Variants in NRG3 observed in about 807,000 individuals in gnomAD.
NRG3 encodes the protein neuregulin 3.
In NRG3, 31 loss-of-function variants were observed where a neutral mutation model predicts 66.9. The observed-to-expected ratio is 0.46, with a 90% confidence interval of 0.35 to 0.63. The LOEUF (loss-of-function observed/expected upper bound fraction) is 0.63. Ranked by LOEUF, NRG3 falls within the 20% of genes least tolerant of loss-of-function variation. The pLI, the probability that NRG3 is intolerant of heterozygous loss-of-function variation, is 0.00. For missense variants in NRG3, 910 were observed against 878.9 expected, an observed-to-expected ratio of 1.04 and a Z score of -0.45; for synonymous variants, 393 against 359.4, an observed-to-expected ratio of 1.09 and a Z score of -1.06.
intron 1 of NRG3, among the ~76,000 whole-genome samples, chr10:82,102,075 C>A (rs1369603649): frequency 8.8e-6 from 1 of 113,300 alleles, no homozygotes; most frequent in Admixed American, 9.1e-5. Context: ...TGTGTGTATA[C>A]ATATATATAT....
chr10:82,819,966 G>A (rs895017892), intron 3 of NRG3, among the ~76,000 whole-genome samples: 4 of 152,124 alleles, frequency 2.6e-5, no homozygotes, highest in Non-Finnish European at 5.9e-5. Flanking sequence ...TTTTAGAGGG[G>A]GATACACAGC....
chr10:82,616,845 A>G (rs1249213971), intron 2 of NRG3, among the ~76,000 whole-genome samples: 1 of 152,202 alleles, frequency 6.6e-6, no homozygotes, highest in Admixed American at 6.6e-5. Context: ...TCTCTGGCCC[A>G]AACCCTCTAT....
Position 82,250,235 on chromosome 10 carries a change from A to G in NRG3, c.824-108504A>G, listed in dbSNP as rs1477038505. On this transcript the variant is annotated intron_variant, in intron 1 of 8. Transcript: ENST00000372141. ...AAAAATTGAGGATCAATATATCAAT[A>G]TGGAAGGTTTTTAAAAATTTTTATT... 2.6e-5 allele frequency among the ~76,000 whole-genome samples: 4 copies of G among 152,192 alleles called. No individual in the cohort carries two copies. The South Asian group carries it at 6.2e-4, about 24-fold the overall frequency.
At chr10:82,647,130 A>G (rs1043552906) in intron 2 of NRG3, among the ~76,000 whole-genome samples, 34 of 152,020 alleles carry the variant, frequency 2.2e-4, no homozygotes, top group African/African-American at 6.5e-4. Flanking sequence ...CATTAGATAT[A>G]TCTCCTAATG....
chr10:82,412,861 C>T (rs539604113), intron 2 of NRG3, among the ~76,000 whole-genome samples: 1 of 152,270 alleles, frequency 6.6e-6, no homozygotes, highest in South Asian at 2.1e-4. Flanking sequence ...ACTTTCTTAG[C>T]TCTTCCCTAA....
intron 1 of NRG3, among the ~76,000 whole-genome samples, chr10:82,201,325 CTTTAG>C (rs1049816384): frequency 2.0e-5 from 3 of 151,898 alleles, no homozygotes; most frequent in African/African-American, 7.3e-5. Flanking sequence ...TTTGATAGCA[CTTTAG>C]CCAACAGTTC....
chr10:82,779,360 C>T (rs967815515), intron 3 of NRG3, among the ~76,000 whole-genome samples: 4 of 152,146 alleles, frequency 2.6e-5, no homozygotes, highest in African/African-American at 9.7e-5. Context: ...AGAGTCAAGG[C>T]TTTCTCGTCT....
chr10:82,507,906 G>T (rs1195136693), intron 2 of NRG3, among the ~76,000 whole-genome samples: 2 of 152,012 alleles, frequency 1.3e-5, no homozygotes, highest in Admixed American at 1.3e-4. Flanking sequence ...ATCAGATAAG[G>T]GCAACTCACA....
chr10:81,984,797 A>G (rs2060461298), intron 1 of NRG3, among the ~76,000 whole-genome samples: 2 of 152,244 alleles, frequency 1.3e-5, no homozygotes, highest in Non-Finnish European at 1.5e-5. Flanking sequence ...TTTTATTACT[A>G]TACATATACA....
intron 2 of NRG3, among the ~76,000 whole-genome samples, chr10:82,375,054 T>C (rs1769385889): frequency 6.6e-6 from 1 of 152,178 alleles, no homozygotes; most frequent in African/African-American, 2.4e-5. Flanking sequence ...ATAGATCACA[T>C]TTGCTATTCA....
chr10:82,744,591 A>G (rs1220444146), intron 3 of NRG3, among the ~76,000 whole-genome samples: 3 of 152,202 alleles, frequency 2.0e-5, no homozygotes, highest in Non-Finnish European at 2.9e-5. Context: ...AAACTTTCAG[A>G]CCATAGCATC....
chr10:82,346,557 T>C (rs1399333877), intron 1 of NRG3, among the ~76,000 whole-genome samples: 1 of 152,160 alleles, frequency 6.6e-6, no homozygotes, highest in Non-Finnish European at 1.5e-5. Context: ...CCAGCTTTGG[T>C]ATCAGAATGA....
intron 3 of NRG3, among the ~76,000 whole-genome samples, chr10:82,766,166 T>C (rs535922225): frequency 1.3e-5 from 2 of 152,324 alleles, no homozygotes; most frequent in South Asian, 2.1e-4. Context: ...CATTTGTTGA[T>C]ATTTTCTTGA....
chr10:82,756,832 T>C (rs754674591), intron 3 of NRG3, among the ~76,000 whole-genome samples: 19 of 151,996 alleles, frequency 1.3e-4, no homozygotes, highest in Non-Finnish European at 2.5e-4. Flanking sequence ...TTTTTTTTTT[T>C]TCTTATTTGG....
chr10:82,457,597 A>G (rs2091326788), intron 2 of NRG3, among the ~76,000 whole-genome samples: 1 of 152,194 alleles, frequency 6.6e-6, no homozygotes, highest in South Asian at 2.1e-4. Context: ...ATAGCTAGGA[A>G]CATAGGAGGA....
intron 1 of NRG3, among the ~76,000 whole-genome samples, chr10:82,040,178 G>A (rs76301821): frequency 2.2e-4 from 33 of 152,094 alleles, no homozygotes; most frequent in African/African-American, 6.5e-4. Flanking sequence ...GGAAACTTAA[G>A]CTTGGAAATT....
intron 5 of NRG3, chr10:82,955,346 C>T (rs1017677655): frequency 5.9e-5 from 9 of 151,952 alleles, no homozygotes; most frequent in Non-Finnish European, 1.3e-4. Context: ...ATTCTCTTCA[C>T]TCCCAATAAG....
chr10:82,717,116 C>T (rs2057019027), intron 2 of NRG3, among the ~76,000 whole-genome samples: 1 of 151,818 alleles, frequency 6.6e-6, no homozygotes, highest in South Asian at 2.1e-4. Context: ...GATAGAGTGG[C>T]AGTAATCAAA....
chr10:82,692,636 G>A (rs1330819628), intron 2 of NRG3, among the ~76,000 whole-genome samples: 5 of 152,306 alleles, frequency 3.3e-5, no homozygotes, highest in East Asian at 1.9e-4. Context: ...TGCATAAGGC[G>A]TGAATTCCTG....
Sources: gnomAD v4.1 joint callset for allele counts (sites outside exome capture counted in the v4.1 genomes callset) on GRCh38, gnomAD v4.1.1 for gene constraint, MANE v1.5 for transcripts, NCBI Gene and HGNC (gene_info 2026-07-23, HGNC 2026-07-21) for gene names.